Variants in COL4A5 observed in about 807,000 individuals in gnomAD.
COL4A5 encodes collagen type IV alpha 5 chain.
COL4A5 carries 26 observed loss-of-function variants against 130.2 expected under a neutral mutation model. The observed-to-expected ratio is 0.20, with a 90% CI of 0.15 to 0.28. The LOEUF (loss-of-function observed/expected upper bound fraction) is 0.28, where lower values mean the gene tolerates loss of function less well. Ranked by LOEUF, COL4A5 falls within the 10% of genes least tolerant of loss-of-function variation. The pLI is 1.00. For synonymous variants in COL4A5, 496 were observed against 439.6 expected (o/e 1.13, Z -1.60); for missense variants, 1,131 against 1,344.3 (o/e 0.84, Z 2.48).
intron 48 of COL4A5, 52 bp from the exon 49 acceptor site, chrX:108,687,430 G>T: frequency 9.9e-7 from 1 of 1,008,491 alleles, no homozygotes. Flanking sequence ...ATATCCATAA[G>T]AGTGGATCAG....
chrX:108,626,260 C>T lies in COL4A5; in HGVS notation c.3157C>T (p.Pro1053Ser), dbSNP rs1417646007. 8.3e-7 allele frequency: 1 copy of T among 1,210,440 alleles called. No individual in the cohort carries two copies. Among genetic ancestry groups the T allele is most frequent in the South Asian group, 1.8e-5 (1 of 56,954 alleles). Residue 1053 changes from proline (P) to serine (S), a missense_variant, in exon 36 of 53, where the codon CCT becomes TCT. Transcript: ENST00000328300. ...PPGPSGVPGQ[P>S]GSPGLPGQKG... Reference sequence around the variant, plus strand: ...TGGACCTTCTGGAGTTCCTGGACAACCTGGCTCCCCAGGATTACCTGGACA... The same window carrying T: ...TGGACCTTCTGGAGTTCCTGGACAATCTGGCTCCCCAGGATTACCTGGACA...
chrX:108,497,197 AT>A (rs1242068794), intron 1 of COL4A5, among the ~76,000 whole-genome samples: 2 of 112,297 alleles, frequency 1.8e-5, no homozygotes, highest in Non-Finnish European at 3.8e-5. Flanking sequence ...ATGAATCAGT[AT>A]TAGATTCATT....
intron 47 of COL4A5, among the ~76,000 whole-genome samples, chrX:108,683,983 T>C (rs1298984809): frequency 9.0e-6 from 1 of 111,493 alleles, no homozygotes; most frequent in African/African-American, 3.3e-5. Flanking sequence ...CACAACTACA[T>C]GGAAACTGTA....
chrX:108,620,197 T>A (rs2067010750), intron 30 of COL4A5, 62 bp from the exon 31 acceptor site: 1 of 988,822 alleles, frequency 1.0e-6, no homozygotes, highest in Non-Finnish European at 1.4e-6. Flanking sequence ...ACTAGAAATA[T>A]AACCAGATAC....
Position 108,696,668 on chromosome X carries a change from G to A in COL4A5, c.*290G>A, listed in dbSNP as rs1420900859. 2 of 176,178 alleles carry A rather than the reference G, an allele frequency of 1.1e-5. No individual in the cohort carries two copies. Among genetic ancestry groups the A allele is most frequent in the East Asian group, 2.5e-4 (2 of 8,105 alleles). 14.5% of individuals were successfully genotyped at this position (176,178 alleles called of 1,213,427 possible). On this transcript the variant is annotated 3_prime_UTR_variant, in exon 53 of 53. Transcript: ENST00000328300. ...TTATAAGATGAAAATTATATATTTTGCCCAGTTACTAAAATGGTACATTAA... is the reference window on the plus strand; with the variant it reads ...TTATAAGATGAAAATTATATATTTTACCCAGTTACTAAAATGGTACATTAA...
Position 108,529,797 on chromosome X carries a change from T to TA in COL4A5, c.82-9939dup, listed in dbSNP as rs748133618. 3.8e-3 allele frequency among the ~76,000 whole-genome samples: 399 copies of TA among 103,870 alleles called. 2 individuals carry two copies. The highest frequency in any genetic ancestry group is 0.025 in the Middle Eastern group (5 of 202). The allele number at this position is 103,870 out of a possible 115,157, so 90.2% of individuals were successfully genotyped here. A position where few individuals can be genotyped will look rare whatever the true frequency, so the allele number is the denominator to read the frequency against. On this transcript the variant is annotated intron_variant, in intron 1 of 52. Transcript: ENST00000328300. ...AAAGAGAGTTTAAGTCAAGAACAGT[T>TA]AAAAAAAAAAGGCAGAGAAGGTCAT...
chrX:108,546,795 G>T (rs1462104401), intron 2 of COL4A5, among the ~76,000 whole-genome samples: 5 of 111,409 alleles, frequency 4.5e-5, no homozygotes, highest in Non-Finnish European at 9.4e-5. Flanking sequence ...TTTCTTGGAG[G>T]CTTTGTTCGT....
intron 42 of COL4A5, chrX:108,674,534 A>G: frequency 2.9e-6 from 1 of 344,171 alleles, no homozygotes; most frequent in Non-Finnish European, 5.0e-6. Flanking sequence ...AATAAGCTCT[A>G]TTTGAAAAAG....
intron 13 of COL4A5, 26 bp downstream of exon 13, chrX:108,578,409 G>A (rs371105605): frequency 9.5e-7 from 1 of 1,055,879 alleles, no homozygotes; most frequent in Non-Finnish European, 1.3e-6. Context: ...GGAAGTCAAT[G>A]AAAATCTTGC....
chrX:108,579,396 T>C (rs1160692405), intron 13 of COL4A5, among the ~76,000 whole-genome samples: 1 of 112,615 alleles, frequency 8.9e-6, no homozygotes, highest in African/African-American at 3.2e-5. Context: ...GTAAATAGTC[T>C]ACATTTTGTT....
chrX:108,521,190 C>G (rs1026211502), intron 1 of COL4A5, among the ~76,000 whole-genome samples: 2 of 111,104 alleles, frequency 1.8e-5, no homozygotes, highest in Non-Finnish European at 3.8e-5. Flanking sequence ...ACAAATTTCC[C>G]TAATGGTCCT....
chrX:108,620,473 C>T, intron 31 of COL4A5, 47 bp downstream of exon 31: 1 of 995,901 alleles, frequency 1.0e-6, no homozygotes, highest in African/African-American at 1.9e-5. Flanking sequence ...GAAATTAAAA[C>T]TAATACGACT....
At chrX:108,554,840 C>T (rs1322258761) in intron 2 of COL4A5, among the ~76,000 whole-genome samples, 1 of 111,467 alleles carries the variant, frequency 9.0e-6, no homozygotes, top group Non-Finnish European at 1.9e-5. Flanking sequence ...CCAGCCTGTG[C>T]AACAAGGTGA....
intron 1 of COL4A5, among the ~76,000 whole-genome samples, chrX:108,506,529 T>C (rs2065125972): frequency 1.8e-5 from 2 of 111,307 alleles, no homozygotes; most frequent in Non-Finnish European, 3.8e-5. Flanking sequence ...TCATCATGCA[T>C]TGGATTCTCA....
rs750955086 is a variant in COL4A5, at chrX:108,572,145, G to A, written c.465+308G>A. On this transcript the variant is annotated intron_variant, in intron 8 of 52. Transcript: ENST00000328300. ...CTCTGTAGAATTACTTTTTTCCCTG[G>A]CCTCTGTGACACTATCCTTTCCTGA... Among the ~76,000 whole-genome samples, 249 of 110,823 alleles carry A rather than the reference G, an allele frequency of 2.2e-3. 1 individual carries two copies. Among genetic ancestry groups the A allele is most frequent in the Non-Finnish European group, 3.7e-3 (193 of 52,755 alleles).
At chrX:108,674,774 A>G in intron 43 of COL4A5, 21 bp downstream of exon 43, 1 of 1,136,090 alleles carries the variant, frequency 8.8e-7, no homozygotes, top group Non-Finnish European at 1.2e-6. Flanking sequence ...TCACTGGTCA[A>G]TTCTTTTTTT....
rs144104962 is a variant in COL4A5 at position 108,617,989 on chromosome X, G to A, written c.2510-2270G>A. On this transcript the variant is annotated intron_variant, in intron 30 of 52. Transcript: ENST00000328300. ...GGAGGCTACAAAACCCTTGGGTAGG[G>A]GGAGGGTGTGTGTATGTGTGTGTAT... Among the ~76,000 whole-genome samples the A allele has an allele frequency of 3.4e-3, 382 of 111,960 alleles. 2 individuals carry two copies. The highest frequency in any genetic ancestry group is 0.012 in the African/African-American group (362 of 30,887).
chrX:108,601,518 A>T, intron 26 of COL4A5, 33 bp downstream of exon 26: 1 of 926,858 alleles, frequency 1.1e-6, no homozygotes, highest in Non-Finnish European at 1.5e-6. Context: ...AGTAACTTCA[A>T]CACCGATGGC....
chrX:108,456,237 C>G (rs186563495), intron 1 of COL4A5, among the ~76,000 whole-genome samples: 1 of 110,765 alleles, frequency 9.0e-6, no homozygotes. Flanking sequence ...TTTTTAGTTA[C>G]TTGTTGCTAA....
Sources: gnomAD v4.1 joint callset for allele counts (sites outside exome capture counted in the v4.1 genomes callset) on GRCh38, gnomAD v4.1.1 for gene constraint, MANE v1.5 for transcripts, NCBI Gene and HGNC (gene_info 2026-07-23, HGNC 2026-07-21) for gene names.